COA5: variants seen among roughly 807,000 people sequenced by gnomAD.
The protein encoded by COA5 is protein C2orf64.
In COA5, 11 loss-of-function variants were observed where a neutral mutation model predicts 11.8. The observed-to-expected ratio is 0.93, with a 90% CI of 0.59 to 1.54. The LOEUF is 1.54. Ranked by LOEUF, COA5 falls within the 40% of genes most tolerant of loss-of-function variation. The pLI is 0.00. For missense variants in COA5, 87 were observed against 89.2 expected (o/e 0.97, Z 0.10); for synonymous variants, 38 against 37.5 (o/e 1.01, Z -0.05).
chr2:98,608,210 A>C lies in COA5; in HGVS notation c.99+97T>G, dbSNP rs1003928137. The stretch of plus-strand genomic sequence containing the variant: ...GCTGTGACCTACGCCCGGGATGGTT[A>C]ACTCCAACCGCCGCCGCGGGCGACC... On this transcript the variant is annotated intron_variant, in intron 1 of 2. Transcript: ENST00000328709. 8.0e-5 allele frequency: 71 copies of C among 883,266 alleles called. No homozygotes were observed. In the Middle Eastern group the frequency reaches 9.7e-4, roughly 12 times the overall value. The allele number at this position is 883,266 out of a possible 1,614,324, so 54.7% of individuals were successfully genotyped here.
At position 98,604,136 on chromosome 2, in the gene COA5, T is replaced by C; in HGVS notation, c.155A>G (p.Tyr52Cys). The C allele has an allele frequency of 6.2e-7, 1 of 1,613,948 alleles. No homozygotes were observed. The highest frequency in any genetic ancestry group is 8.5e-7 in the Non-Finnish European group (1 of 1,179,860). ...TGATCTTTTACACTCAAAAAATGCG[T>C]ACTTCAAAGAGTTGCAGTATCCTTC... Reference protein sequence around the residue: ...LKEGYCNSLKYAFFECKRSVL... With the variant: ...LKEGYCNSLKCAFFECKRSVL... Residue 52 changes from tyrosine (Y) to cysteine (C), a missense_variant, in exon 2 of 3, where the codon TAC becomes TGC. By Grantham distance (194) the Tyr-to-Cys change is radical. Transcript: ENST00000328709.
At chr2:98,607,518 G>A (rs1356014038) in intron 1 of COA5, among the ~76,000 whole-genome samples, 1 of 152,176 alleles carries the variant, frequency 6.6e-6, no homozygotes, top group Non-Finnish European at 1.5e-5. Flanking sequence ...CCATTTGGGG[G>A]TAATCTTTTC....
chr2:98,607,855 C>G (rs1559145927), intron 1 of COA5, among the ~76,000 whole-genome samples: 1 of 152,204 alleles, frequency 6.6e-6, no homozygotes, highest in Non-Finnish European at 1.5e-5. Context: ...AACAAATTCA[C>G]ATCAACACAA....
At chr2:98,605,060 A>G (rs894456850) in intron 1 of COA5, among the ~76,000 whole-genome samples, 1 of 152,202 alleles carries the variant, frequency 6.6e-6, no homozygotes. Context: ...CTAAGATGCT[A>G]CCTTTTTCAA....
At position 98,600,291 on chromosome 2, in the gene COA5, C is replaced by T. The variant is rs554021985; in HGVS notation, c.*461G>A. The T allele has an allele frequency of 1.1e-5, 2 of 185,832 alleles. No individual in the cohort carries two copies. The highest frequency in any genetic ancestry group is 4.7e-5 in the African/African-American group (2 of 42,312). The allele number at this position is 185,832 out of a possible 1,614,324, so 11.5% of individuals were successfully genotyped here. A position where few individuals can be genotyped will look rare whatever the true frequency, so the allele number is the denominator to read the frequency against. ...AGTATTTCTTCTCTAAGGAATCAAA[C>T]ACAATTCATTTTAGAACTAGACAGG... On this transcript the variant is annotated 3_prime_UTR_variant, in exon 3 of 3. Coordinates refer to ENST00000328709, the MANE Select transcript of COA5 (RefSeq NM_001008215.3).
chr2:98,604,259 C>G, intron 1 of COA5, 68 bp from the exon 2 acceptor site: 1 of 1,194,328 alleles, frequency 8.4e-7, no homozygotes, highest in Non-Finnish European at 1.3e-6. Flanking sequence ...AATAATTGTC[C>G]TTCTGAAAAT....
intron 2 of COA5, among the ~76,000 whole-genome samples, chr2:98,601,510 G>A (rs527564974): frequency 3.3e-5 from 5 of 152,304 alleles, no homozygotes; most frequent in Admixed American, 6.5e-5. Flanking sequence ...CTGGCAGCAC[G>A]TTCTTTGACT....
chr2:98,605,477 G>T (rs1019444995), intron 1 of COA5, among the ~76,000 whole-genome samples: 2 of 152,224 alleles, frequency 1.3e-5, no homozygotes. Context: ...CAGTGTCTGC[G>T]TTCATGGAAG....
At chr2:98,607,052 T>C (rs547362690) in intron 1 of COA5, among the ~76,000 whole-genome samples, 3 of 152,344 alleles carry the variant, frequency 2.0e-5, no homozygotes, top group African/African-American at 4.8e-5. Context: ...TCAGACGCTC[T>C]CCCTTGGGCT....
intron 1 of COA5, 77 bp downstream of exon 1, chr2:98,608,230 G>A (rs1463077146): frequency 1.8e-6 from 2 of 1,119,438 alleles, no homozygotes; most frequent in Non-Finnish European, 2.6e-6. Context: ...GCCGCCGCGG[G>A]CGACCCGCTG....
rs771021752 is a variant in COA5, at chr2:98,608,382, C to T, written c.24G>A (p.Lys8=). 21 of 1,604,948 alleles carry T rather than the reference C, an allele frequency of 1.3e-5. No homozygotes were observed. The highest frequency in any genetic ancestry group is 1.7e-5 in the Admixed American group (1 of 59,132). Residue 8 remains lysine (K), a synonymous_variant, in exon 1 of 3, where the codon AAG becomes AAA. Transcript: ENST00000328709. The part of the protein sequence containing the change: MPKYYED[K]PQGGACAGLK... ...GGCCCGCGCACGCGCCGCCCTGCGG[C>T]TTGTCCTCATAATACTTAGGCATGA...
intron 1 of COA5, 54 bp from the exon 2 acceptor site, chr2:98,604,245 A>G: frequency 7.8e-7 from 1 of 1,283,180 alleles, no homozygotes; most frequent in Non-Finnish European, 1.1e-6. Context: ...CTCACAAAGT[A>G]CAAAATAATT....
At position 98,600,573 on chromosome 2, in the gene COA5, A is replaced by G. The variant is rs1700627838; in HGVS notation, c.*179T>C. On this transcript the variant is annotated 3_prime_UTR_variant, in exon 3 of 3. Transcript: ENST00000328709. ...TTCTAAAAATAACTTGGATCAAGAGAATCATTTACTTTATACATATTCGAA... is the reference window on the plus strand; with the variant it reads ...TTCTAAAAATAACTTGGATCAAGAGGATCATTTACTTTATACATATTCGAA... 9 of 620,654 alleles carry G rather than the reference A, an allele frequency of 1.5e-5. No homozygotes were observed. Among genetic ancestry groups the G allele is most frequent in the African/African-American group, 3.7e-5 (2 of 54,214 alleles). The allele number at this position is 620,654 out of a possible 1,614,324, so 38.4% of individuals were successfully genotyped here. A position where few individuals can be genotyped will look rare whatever the true frequency, so the allele number is the denominator to read the frequency against.
chr2:98,608,422 C>G lies in COA5; in HGVS notation c.-17G>C. ...CTTAGGCATGACGGCGCTTCCCCTC[C>G]GATGCGGACGCGACTTTCTCCCACC... On this transcript the variant is annotated 5_prime_UTR_variant, in exon 1 of 3. Transcript: ENST00000328709. 6.4e-7 allele frequency: 1 copy of G among 1,566,646 alleles called. No homozygotes were observed.
In COA5 at chr2:98,599,626, A is replaced by G. The variant is rs1020666636; in HGVS notation, c.*1126T>C. On this transcript the variant is annotated 3_prime_UTR_variant, in exon 3 of 3. Transcript: ENST00000328709. Reference sequence around the variant, plus strand: ...ACAACGCCCCGATTGCTTTAACTCCAGTGAACCACGGAGGTATAAAGACGC... The same window carrying G: ...ACAACGCCCCGATTGCTTTAACTCCGGTGAACCACGGAGGTATAAAGACGC... 6.6e-6 allele frequency: 1 copy of G among 152,232 alleles called. No homozygotes were observed. The highest frequency in any genetic ancestry group is 2.4e-5 in the African/African-American group (1 of 41,458). 9.4% of individuals were successfully genotyped at this position (152,232 alleles called of 1,614,324 possible).
At chr2:98,607,180 T>C (rs1197025788) in intron 1 of COA5, among the ~76,000 whole-genome samples, 2 of 152,184 alleles carry the variant, frequency 1.3e-5, no homozygotes, top group Non-Finnish European at 2.9e-5. Flanking sequence ...CAAGCTTACA[T>C]GGGTAGTGAC....
At position 98,608,428 on chromosome 2, in the gene COA5, G is replaced by A. The variant is rs370052087; in HGVS notation, c.-23C>T. The A allele has an allele frequency of 6.1e-5, 95 of 1,549,582 alleles. No homozygotes were observed. Among genetic ancestry groups the A allele is most frequent in the Non-Finnish European group, 8.1e-5 (93 of 1,141,288 alleles). ...CATGACGGCGCTTCCCCTCCGATGCGGACGCGACTTTCTCCCACCGCAACA... is the reference window on the plus strand; with the variant it reads ...CATGACGGCGCTTCCCCTCCGATGCAGACGCGACTTTCTCCCACCGCAACA... On this transcript the variant is annotated 5_prime_UTR_variant, in exon 1 of 3. Transcript: ENST00000328709.
intron 2 of COA5, 55 bp downstream of exon 2, chr2:98,604,053 A>T: frequency 7.6e-7 from 1 of 1,314,552 alleles, no homozygotes; most frequent in Non-Finnish European, 1.1e-6. Context: ...TCATATATTT[A>T]ACCTCCCTAT....
chr2:98,605,161 C>G (rs1009149213), intron 1 of COA5, among the ~76,000 whole-genome samples: 2 of 152,172 alleles, frequency 1.3e-5, no homozygotes, highest in Non-Finnish European at 2.9e-5. Flanking sequence ...TCCACTCCAC[C>G]CCAAATAACA....
Sources: allele counts gnomAD v4.1 joint callset (sites outside exome capture counted in the v4.1 genomes callset), GRCh38; gene constraint gnomAD v4.1.1; transcripts MANE v1.5; gene names NCBI Gene and HGNC (gene_info 2026-07-23, HGNC 2026-07-21).